The following ATP1A4 variants were observed in gnomAD, a reference collection of about 807,000 sequenced individuals.
The protein encoded by ATP1A4 is sodium/potassium-transporting ATPase subunit alpha-4.
A neutral mutation model predicts 114.3 loss-of-function variants in ATP1A4; 90 were observed. The ratio of observed to expected loss-of-function variants is 0.79; its 90% confidence interval spans 0.66 to 0.94. The LOEUF (loss-of-function observed/expected upper bound fraction) is 0.94, where lower values mean the gene tolerates loss of function less well. Ranked by LOEUF, ATP1A4 falls within the 40% of genes least tolerant of loss-of-function variation. ATP1A4 has a pLI of 0.00. For synonymous variants in ATP1A4, 511 were observed against 494.1 expected, an observed-to-expected ratio of 1.03 and a Z score of -0.45; for missense variants, 1,222 against 1,313.6, an observed-to-expected ratio of 0.93 and a Z score of 1.08.
chr1:160,159,569 C>A (rs751651895), intron 6 of ATP1A4, 43 bp downstream of exon 6: 3 of 1,523,732 alleles, frequency 2.0e-6, no homozygotes, highest in South Asian at 1.2e-5. Context: ...AAAGCAGGCA[C>A]CAAAACATAA....
At chr1:160,157,023 G>C (rs1440177035) in intron 4 of ATP1A4, among the ~76,000 whole-genome samples, 1 of 152,182 alleles carries the variant, frequency 6.6e-6, no homozygotes, top group African/African-American at 2.4e-5. Flanking sequence ...AGGATTGCTT[G>C]AGCACGGAAG....
intron 21 of ATP1A4, 127 bp downstream of exon 21, chr1:160,186,494 G>A (rs537209417): frequency 1.4e-5 from 15 of 1,050,526 alleles, no homozygotes; most frequent in Middle Eastern, 2.7e-4. Flanking sequence ...CCTTGACTGC[G>A]CCTGGAGCCG....
chr1:160,167,271 C>T lies in ATP1A4; in HGVS notation c.1357-7C>T. 1 of 1,598,492 alleles carries T rather than the reference C, an allele frequency of 6.3e-7. No individual in the cohort carries two copies. Among genetic ancestry groups the T allele is most frequent in the Non-Finnish European group, 8.5e-7 (1 of 1,173,582 alleles). On this transcript the variant is annotated splice_region_variant and splice_polypyrimidine_tract_variant and intron_variant, in intron 9 of 21. Transcript: ENST00000368081. ...TGGGGCTTACTATACAAACCCCATCCTGGCAGAGGGCCACAACAGGTGATG... is the reference window on the plus strand; with the variant it reads ...TGGGGCTTACTATACAAACCCCATCTTGGCAGAGGGCCACAACAGGTGATG...
chr1:160,164,149 T>C lies in ATP1A4; in HGVS notation c.779-7T>C, dbSNP rs753678506. ...CATCACATTGCCCTCTCCTGCTTCA[T>C]CCACAGGAACCGCCCGGGGTATTGT... On this transcript the variant is annotated splice_region_variant and splice_polypyrimidine_tract_variant and intron_variant, in intron 6 of 21. Coordinates refer to ENST00000368081, the MANE Select transcript of ATP1A4 (RefSeq NM_144699.4). 7 of 1,613,316 alleles carry C rather than the reference T, an allele frequency of 4.3e-6. No individual in the cohort carries two copies. The highest frequency in any genetic ancestry group is 1.3e-5 in the African/African-American group (1 of 74,932).
chr1:160,166,460 T>C (rs1653038015), intron 7 of ATP1A4, 68 bp from the exon 8 acceptor site: 1 of 1,568,240 alleles, frequency 6.4e-7, no homozygotes, highest in African/African-American at 1.4e-5. Context: ...TGATCAAATA[T>C]CCACAATGCA....
chr1:160,177,425 G>C (rs372445542), intron 17 of ATP1A4, 94 bp from the exon 18 acceptor site: 10 of 1,400,170 alleles, frequency 7.1e-6, no homozygotes, highest in Middle Eastern at 2.5e-4. Flanking sequence ...AGCCCAGCCA[G>C]AAGCAAGTCC....
At position 160,181,803 on chromosome 1, in the gene ATP1A4, G is replaced by T; in HGVS notation, c.2856G>T (p.Gln952His). The T allele has an allele frequency of 6.2e-7, 1 of 1,609,094 alleles. No individual in the cohort carries two copies. The highest frequency in any genetic ancestry group is 8.5e-7 in the Non-Finnish European group (1 of 1,179,090). The change falls in exon 19 of 22, where the codon CAG (glutamine) becomes CAT (histidine). Residue 952 changes from glutamine to histidine, a missense_variant. Transcript: ENST00000368081. The stretch of plus-strand genomic sequence containing the variant: ...AGACTCGCCGCAACTCACTTTTCCA[G>T]CAGGGCATGAGGTGAACATCTCACA... ...ISKTRRNSLF[Q>H]QGMRNKVLIF...
intron 15 of ATP1A4, 95 bp from the exon 16 acceptor site, chr1:160,175,997 G>A (rs1298803068): frequency 2.3e-6 from 3 of 1,313,472 alleles, no homozygotes; most frequent in Non-Finnish European, 3.3e-6. Context: ...CCTGGACTGT[G>A]ACACTTCTTT....
Position 160,166,665 on chromosome 1 carries a change from C to T in ATP1A4, c.1185C>T (p.Thr395=), listed in dbSNP as rs775442898. 11 of 1,614,176 alleles carry T rather than the reference C, an allele frequency of 6.8e-6. No individual in the cohort carries two copies. The East Asian group carries it at 8.9e-5, about 13-fold the overall frequency. The change falls in exon 8 of 22, where the codon ACC becomes ACT. Residue 395 remains threonine (T), a synonymous_variant. Transcript: ENST00000368081. ...GCACCCTCACCCAGAACCGCATGAC[C>T]GTCGCCCACATGTGGTTTGATATGA... ...KTGTLTQNRM[T]VAHMWFDMTV...
Position 160,174,209 on chromosome 1 carries a change from C to T in ATP1A4, c.2090C>T (p.Ala697Val), listed in dbSNP as rs1653367941. The change falls in exon 14 of 22, where the codon GCT becomes GTT. Residue 697 changes from alanine to valine, a missense_variant. Ala to Val is a moderately conservative substitution (Grantham distance 64). Transcript: ENST00000368081. ...CAGAACCACCCTGAGATCGTGTTTG[C>T]TCGGACCTCCCCTCAGCAGAAGCTC... ...ILQNHPEIVF[A>V]RTSPQQKLII... 2 of 1,614,152 alleles carry T rather than the reference C, an allele frequency of 1.2e-6. No homozygotes were observed. The highest frequency in any genetic ancestry group is 1.7e-6 in the Non-Finnish European group (2 of 1,180,036).
intron 10 of ATP1A4, chr1:160,171,035 G>A (rs1186695): frequency 1 from 465,816 of 466,988 alleles, 232,333 homozygotes; most frequent in East Asian, 1. Context: ...AGAAGATAAT[G>A]GAGATTCCTG....
chr1:160,158,219 G>A (rs1652735747), intron 4 of ATP1A4, among the ~76,000 whole-genome samples: 1 of 152,144 alleles, frequency 6.6e-6, no homozygotes, highest in Non-Finnish European at 1.5e-5. Context: ...GGTCTTAGAT[G>A]ACCTCATCCA....
At position 160,176,128 on chromosome 1, in the gene ATP1A4, T is replaced by C. The variant is rs759909104; in HGVS notation, c.2348T>C (p.Met783Thr). ...TTTGACAACCTGAAGAAATCCATCA[T>C]GTACACCCTGACCAGCAACATCCCC... Reference protein sequence around the residue: ...LIFDNLKKSIMYTLTSNIPEI... With the variant: ...LIFDNLKKSITYTLTSNIPEI... Residue 783 changes from methionine to threonine, a missense_variant, in exon 16 of 22, where the codon ATG (methionine) becomes ACG (threonine). Coordinates refer to ENST00000368081, the MANE Select transcript of ATP1A4 (RefSeq NM_144699.4). 33 of 1,614,030 alleles carry C rather than the reference T, an allele frequency of 2.0e-5. No homozygotes were observed. The highest frequency in any genetic ancestry group is 2.5e-5 in the Non-Finnish European group (30 of 1,180,016).
rs554223969 is a variant in ATP1A4 at position 160,165,603 on chromosome 1, C to CA, written c.1048-915dup. Among the ~76,000 whole-genome samples the CA allele has an allele frequency of 2.7e-3, 399 of 148,728 alleles. 2 individuals carry two copies. Among genetic ancestry groups the CA allele is most frequent in the African/African-American group, 8.4e-3 (341 of 40,756 alleles). On this transcript the variant is annotated intron_variant, in intron 7 of 21. Coordinates refer to ENST00000368081, the MANE Select transcript of ATP1A4 (RefSeq NM_144699.4). ...TGAAACCCCGTCTCTACTAAAAATACAAAAAAAAAATTAGACAGGCATGGT... is the reference window on the plus strand; with the variant it reads ...TGAAACCCCGTCTCTACTAAAAATACAAAAAAAAAAATTAGACAGGCATGGT...
Position 160,176,599 on chromosome 1 carries a change from A to C in ATP1A4, c.2587A>C (p.Ile863Leu). Reference protein sequence around the residue: ...HRLIGMAYGQIGMIQALAGFF... With the variant: ...HRLIGMAYGQLGMIQALAGFF... ...TCTCATTGGCATGGCCTATGGACAG[A>C]TTGGTGCGCCCAGAGGAATGAGGGG... The change falls in exon 17 of 22, where the codon ATT becomes CTT. Residue 863 changes from isoleucine to leucine, a missense_variant. Coordinates refer to ENST00000368081, the MANE Select transcript of ATP1A4 (RefSeq NM_144699.4). 6.2e-7 allele frequency: 1 copy of C among 1,613,928 alleles called. No homozygotes were observed. Among genetic ancestry groups the C allele is most frequent in the Non-Finnish European group, 8.5e-7 (1 of 1,179,916 alleles).
chr1:160,186,111 GATCA>G (rs1449572625), intron 20 of ATP1A4, among the ~76,000 whole-genome samples, 161 bp from the exon 21 acceptor site: 2 of 49,746 alleles, frequency 4.0e-5, no homozygotes, highest in African/African-American at 1.4e-4. Flanking sequence ...AAAAAAAAGG[GATCA>G]ACCAGATCTT....
chr1:160,175,578 T>C (rs1653430125), intron 15 of ATP1A4, among the ~76,000 whole-genome samples: 1 of 151,724 alleles, frequency 6.6e-6, no homozygotes, highest in South Asian at 2.1e-4. Context: ...TAAAAGAAGA[T>C]AAGTGCCATG....
chr1:160,171,256 C>T lies in ATP1A4; in HGVS notation c.1497C>T (p.Ser499=). The T allele has an allele frequency of 1.9e-5, 31 of 1,613,234 alleles. No homozygotes were observed. Among genetic ancestry groups the T allele is most frequent in the Non-Finnish European group, 2.6e-5 (31 of 1,179,370 alleles). The change falls in exon 11 of 22, where the codon TCC becomes TCT. Residue 499 remains serine, a synonymous_variant. Coordinates refer to ENST00000368081, the MANE Select transcript of ATP1A4 (RefSeq NM_144699.4). ...PFNSTNKYQM[S]IHLREDSSQT... is the part of the protein sequence containing the mutation. ...GCTCCCTTTGCTCTCCCTAGATGTC[C>T]ATCCACCTTCGGGAGGACAGCTCCC...
chr1:160,180,846 C>T (rs1001977384), intron 18 of ATP1A4, among the ~76,000 whole-genome samples: 1 of 151,904 alleles, frequency 6.6e-6, no homozygotes, highest in Admixed American at 6.6e-5. Context: ...TCCCGAGCAG[C>T]TGGGACTACA....
Sources: gnomAD v4.1 joint callset for allele counts (sites outside exome capture counted in the v4.1 genomes callset) on GRCh38, gnomAD v4.1.1 for gene constraint, MANE v1.5 for transcripts, NCBI Gene and HGNC (gene_info 2026-07-23, HGNC 2026-07-21) for gene names.